The following MACROD2 variants were observed in gnomAD, a reference collection of about 807,000 sequenced individuals.
The protein encoded by MACROD2 is mono-ADP ribosylhydrolase 2.
A neutral mutation model predicts 70.4 loss-of-function variants in MACROD2; 36 were observed. The observed-to-expected ratio is 0.51, with a 90% CI of 0.39 to 0.68. The LOEUF (loss-of-function observed/expected upper bound fraction) is 0.68. Among genes scored for constraint, MACROD2 ranks in the 30% least tolerant of loss-of-function variants. The pLI, the probability that MACROD2 is intolerant of heterozygous loss-of-function variation, is 0.00. For synonymous variants in MACROD2, 172 were observed against 178.8 expected, an observed-to-expected ratio of 0.96 and a Z score of 0.30; for missense variants, 496 against 538.4, an observed-to-expected ratio of 0.92 and a Z score of 0.78.
intron 5 of MACROD2, among the ~76,000 whole-genome samples, chr20:15,228,647 G>T (rs543654967): frequency 2.0e-5 from 3 of 151,524 alleles, no homozygotes; most frequent in Non-Finnish European, 2.9e-5. Flanking sequence ...ACACCACCAC[G>T]CCTGGCTAAT....
At chr20:15,079,727 C>G (rs1301706342) in intron 5 of MACROD2, among the ~76,000 whole-genome samples, 2 of 152,062 alleles carry the variant, frequency 1.3e-5, no homozygotes, top group Non-Finnish European at 2.9e-5. Context: ...TCTGCCTGCT[C>G]TCCACCTATT....
intron 5 of MACROD2, among the ~76,000 whole-genome samples, chr20:15,097,207 A>C (rs926591904): frequency 6.6e-6 from 1 of 152,194 alleles, no homozygotes; most frequent in Non-Finnish European, 1.5e-5. Context: ...CCAAACTTGC[A>C]TCATTATGGA....
At chr20:15,185,078 A>G (rs2076525676) in intron 5 of MACROD2, among the ~76,000 whole-genome samples, 1 of 152,162 alleles carries the variant, frequency 6.6e-6, no homozygotes, top group Non-Finnish European at 1.5e-5. Context: ...TTGCATGCAC[A>G]TCTTGTCTTG....
At chr20:15,725,691 T>C (rs1354828874) in intron 8 of MACROD2, among the ~76,000 whole-genome samples, 2 of 152,144 alleles carry the variant, frequency 1.3e-5, no homozygotes, top group Non-Finnish European at 2.9e-5. Flanking sequence ...TTTTCACCAT[T>C]GTCATGTAAA....
chr20:14,511,289 T>C (rs391092), intron 4 of MACROD2, among the ~76,000 whole-genome samples: 124,787 of 151,974 alleles, frequency 0.82, 51,650 homozygotes, highest in East Asian at 1. Flanking sequence ...TAGTTTGTAA[T>C]GTAAAAGGGT....
chr20:15,617,906 G>A (rs2049060662), intron 8 of MACROD2, among the ~76,000 whole-genome samples: 1 of 152,040 alleles, frequency 6.6e-6, no homozygotes, highest in Admixed American at 6.6e-5. Flanking sequence ...CAGGGTTTTA[G>A]GAACAAAGAA....
intron 6 of MACROD2, among the ~76,000 whole-genome samples, chr20:15,274,911 G>T (rs905627804): frequency 6.6e-6 from 1 of 152,210 alleles, no homozygotes; most frequent in Non-Finnish European, 1.5e-5. Context: ...TACCACTGGA[G>T]ATGAGGTGTG....
chr20:14,143,689 A>T (rs2054906617), intron 3 of MACROD2, among the ~76,000 whole-genome samples: 1 of 152,194 alleles, frequency 6.6e-6, no homozygotes. Flanking sequence ...GTTTCTGCTC[A>T]GGCCATTGTG....
chr20:14,234,722 G>C (rs1198245440), intron 3 of MACROD2, among the ~76,000 whole-genome samples: 1 of 152,074 alleles, frequency 6.6e-6, no homozygotes, highest in Non-Finnish European at 1.5e-5. Flanking sequence ...ATCACAAACA[G>C]ACAGACACAC....
chr20:15,029,705 G>T (rs1043366891), intron 5 of MACROD2, among the ~76,000 whole-genome samples: 2 of 152,116 alleles, frequency 1.3e-5, no homozygotes, highest in African/African-American at 4.8e-5. Context: ...CATCTCCACA[G>T]TTATGCCAAG....
Position 15,664,676 on chromosome 20 carries a change from G to A in MACROD2, c.645+164829G>A, listed in dbSNP as rs576970724. Among the ~76,000 whole-genome samples the A allele has an allele frequency of 3.3e-5, 5 of 152,280 alleles. No individual in the cohort carries two copies. The South Asian group carries it at 6.2e-4, about 19-fold the overall frequency. On this transcript the variant is annotated intron_variant, in intron 8 of 17. Transcript: ENST00000684519. ...TCATATGCTTGGTCTGGAACCTCAGGCTGAGGAGCAACAGCTGGCCAGAAG... is the reference window on the plus strand; with the variant it reads ...TCATATGCTTGGTCTGGAACCTCAGACTGAGGAGCAACAGCTGGCCAGAAG...
intron 8 of MACROD2, among the ~76,000 whole-genome samples, chr20:15,695,343 C>A (rs374867853): frequency 2.4e-4 from 36 of 152,010 alleles, no homozygotes; most frequent in African/African-American, 8.7e-4. Context: ...TTCTACCCAT[C>A]CACGAGCATG....
intron 5 of MACROD2, among the ~76,000 whole-genome samples, chr20:14,827,625 A>G (rs1297489061): frequency 2.0e-5 from 3 of 151,996 alleles, no homozygotes; most frequent in African/African-American, 7.3e-5. Context: ...ACCCTGATAG[A>G]CTTCACAGAT....
intron 5 of MACROD2, among the ~76,000 whole-genome samples, chr20:15,179,468 C>T (rs1234458181): frequency 6.6e-6 from 1 of 152,158 alleles, no homozygotes; most frequent in Non-Finnish European, 1.5e-5. Flanking sequence ...TTGCCAGATG[C>T]TAGCAGCTAA....
At chr20:15,777,330 A>G (rs1298908196) in intron 8 of MACROD2, among the ~76,000 whole-genome samples, 2 of 152,096 alleles carry the variant, frequency 1.3e-5, no homozygotes, top group East Asian at 1.9e-4. Context: ...GGTTCCATAT[A>G]AGATTATACT....
intron 6 of MACROD2, among the ~76,000 whole-genome samples, chr20:15,358,284 A>G (rs926508138): frequency 6.6e-6 from 1 of 152,196 alleles, no homozygotes; most frequent in Non-Finnish European, 1.5e-5. Context: ...GAATGCATTA[A>G]AAGATGTAAG....
At chr20:14,665,224 T>C (rs909408372) in intron 4 of MACROD2, among the ~76,000 whole-genome samples, 1 of 152,074 alleles carries the variant, frequency 6.6e-6, no homozygotes, top group African/African-American at 2.4e-5. Context: ...AAAGAGTGAA[T>C]GAAATATGTA....
At chr20:15,610,991 C>CTTT (rs34495725) in intron 8 of MACROD2, among the ~76,000 whole-genome samples, 1,546 of 60,084 alleles carry the variant, frequency 0.026, 217 homozygotes, top group African/African-American at 0.052. Flanking sequence ...AGCCAAAAAT[C>CTTT]TTTTTTTTTT....
intron 5 of MACROD2, among the ~76,000 whole-genome samples, chr20:15,024,957 A>G (rs75315293): frequency 0.02 from 3,054 of 152,298 alleles, 106 homozygotes; most frequent in African/African-American, 0.07. Flanking sequence ...GATGGGATAC[A>G]GGTTTAAATC....
Sources: allele counts gnomAD v4.1 joint callset (sites outside exome capture counted in the v4.1 genomes callset), GRCh38; gene constraint gnomAD v4.1.1; transcripts MANE v1.5; gene names NCBI Gene and HGNC (gene_info 2026-07-23, HGNC 2026-07-21).